The following SLC16A7 variants were observed in gnomAD, a reference collection of about 807,000 sequenced individuals.
The protein encoded by SLC16A7 is monocarboxylate transporter 2.
In SLC16A7, 33 loss-of-function variants were observed where a neutral mutation model predicts 34.9. The observed-to-expected ratio is 0.94, with a 90% confidence interval of 0.72 to 1.26. The LOEUF is 1.26. Ranked by LOEUF, SLC16A7 falls within the 50% of genes most tolerant of loss-of-function variation. SLC16A7 has a pLI of 0.00. For missense variants in SLC16A7, 573 were observed against 578.1 expected, an observed-to-expected ratio of 0.99 and a Z score of 0.09; for synonymous variants, 201 against 206.6, an observed-to-expected ratio of 0.97 and a Z score of 0.23.
At chr12:59,745,378 A>G (rs1878782655) in intron 3 of SLC16A7, among the ~76,000 whole-genome samples, 1 of 152,226 alleles carries the variant, frequency 6.6e-6, no homozygotes, top group African/African-American at 2.4e-5. Context: ...ATGTTGGAGA[A>G]TCAAGCATAG....
rs2137524686 is a variant in SLC16A7 at position 59,789,467 on chromosome 12, C to CTGTA, written c.*9790_*9793dup. On this transcript the variant is annotated 3_prime_UTR_variant, in exon 6 of 6. Transcript: ENST00000547379. ...TATTTTCTTTTCAAAATCAGAAATG[C>CTGTA]TGTATTTAAGCTTCCTGGAAATGTC... The CTGTA allele has an allele frequency of 6.6e-6, 1 of 152,136 alleles. No homozygotes were observed. The highest frequency in any genetic ancestry group is 1.9e-4 in the East Asian group (1 of 5,188). 9.4% of individuals were successfully genotyped at this position (152,136 alleles called of 1,614,324 possible). A position where few individuals can be genotyped will look rare whatever the true frequency, so the allele number is the denominator to read the frequency against.
intron 3 of SLC16A7, among the ~76,000 whole-genome samples, chr12:59,709,189 G>C (rs180950783): frequency 6.6e-6 from 1 of 151,782 alleles, no homozygotes; most frequent in African/African-American, 2.4e-5. Flanking sequence ...GCCAGTTTCT[G>C]TGAGTACTTT....
At position 59,718,772 on chromosome 12, in the gene SLC16A7, A is replaced by ATT. The variant is rs534462235; in HGVS notation, c.217+13755_217+13756insTT. On this transcript the variant is annotated intron_variant, in intron 3 of 5. Transcript: ENST00000547379. Reference sequence around the variant, plus strand: ...ACTAGGGAAAATGGATAAGAAGGAAATAAGTATCACATGATAATGCCTGCT... The same window carrying ATT: ...ACTAGGGAAAATGGATAAGAAGGAAATTTAAGTATCACATGATAATGCCTGCT... Among the ~76,000 whole-genome samples, 12 of 152,290 alleles carry ATT rather than the reference A, an allele frequency of 7.9e-5. No homozygotes were observed. The East Asian group carries it at 2.3e-3, about 29-fold the overall frequency.
At chr12:59,770,825 A>T (rs1882151321) in intron 3 of SLC16A7, among the ~76,000 whole-genome samples, 1 of 152,210 alleles carries the variant, frequency 6.6e-6, no homozygotes, top group Admixed American at 6.6e-5. Flanking sequence ...TTATTCTAGA[A>T]AATAAAATTT....
chr12:59,629,685 G>A (rs1880091132), intron 1 of SLC16A7, among the ~76,000 whole-genome samples: 1 of 151,854 alleles, frequency 6.6e-6, no homozygotes, highest in Non-Finnish European at 1.5e-5. Context: ...TATTGTCATT[G>A]CCACATATGC....
chr12:59,638,540 T>C (rs1880537260), intron 1 of SLC16A7, among the ~76,000 whole-genome samples: 1 of 152,178 alleles, frequency 6.6e-6, no homozygotes, highest in African/African-American at 2.4e-5. Flanking sequence ...TTAAATATTC[T>C]ACAAGTAATT....
At chr12:59,632,344 A>G (rs1018694661) in intron 1 of SLC16A7, among the ~76,000 whole-genome samples, 4 of 151,982 alleles carry the variant, frequency 2.6e-5, no homozygotes, top group African/African-American at 9.7e-5. Context: ...GATTTTCTTT[A>G]GATTTTTAAA....
rs542846453 is a variant in SLC16A7 at position 59,684,974 on chromosome 12, A to G, written c.-30-19798A>G. On this transcript the variant is annotated intron_variant, in intron 2 of 5. Coordinates refer to ENST00000547379, the MANE Select transcript of SLC16A7 (RefSeq NM_001270623.2). ...TAATTTGGTGTGGTACAGGTATGCC[A>G]TCAATCCCCAGAGGACTGTGTGTGC... 2.0e-5 allele frequency among the ~76,000 whole-genome samples: 3 copies of G among 152,176 alleles called. No individual in the cohort carries two copies. In the South Asian group the frequency reaches 6.2e-4, roughly 32 times the overall value.
intron 1 of SLC16A7, among the ~76,000 whole-genome samples, chr12:59,630,421 C>A (rs1278687786): frequency 6.6e-6 from 1 of 151,800 alleles, no homozygotes; most frequent in Non-Finnish European, 1.5e-5. Flanking sequence ...AAATTGACAG[C>A]TTAATAAACC....
At chr12:59,772,436 A>G (rs1882323825) in intron 4 of SLC16A7, among the ~76,000 whole-genome samples, 1 of 152,122 alleles carries the variant, frequency 6.6e-6, no homozygotes, top group Non-Finnish European at 1.5e-5. Flanking sequence ...TAGGGAAAAG[A>G]TGATTTTGTT....
chr12:59,719,868 T>G, intron 3 of SLC16A7: 1 of 480,066 alleles, frequency 2.1e-6, no homozygotes, highest in Non-Finnish European at 3.6e-6. Context: ...TCCCACGGAG[T>G]GGCCCAAAAT....
At chr12:59,630,302 C>T (rs1346136633) in intron 1 of SLC16A7, among the ~76,000 whole-genome samples, 1 of 151,792 alleles carries the variant, frequency 6.6e-6, no homozygotes, top group Non-Finnish European at 1.5e-5. Flanking sequence ...AACAGATTTC[C>T]TGTCTTTCAT....
At chr12:59,613,334 G>A (rs957817770) in intron 1 of SLC16A7, among the ~76,000 whole-genome samples, 1 of 152,152 alleles carries the variant, frequency 6.6e-6, no homozygotes, top group African/African-American at 2.4e-5. Context: ...CACCCACCAG[G>A]TCCCTTCCAT....
intron 2 of SLC16A7, among the ~76,000 whole-genome samples, chr12:59,679,661 A>G (rs1870594331): frequency 6.6e-6 from 1 of 152,196 alleles, no homozygotes; most frequent in South Asian, 2.1e-4. Flanking sequence ...GTCCTTTTAT[A>G]GATCAGAAAC....
chr12:59,607,045 C>A (rs1018323340), intron 1 of SLC16A7, among the ~76,000 whole-genome samples: 1 of 152,128 alleles, frequency 6.6e-6, no homozygotes, highest in African/African-American at 2.4e-5. Context: ...TGGAATATAT[C>A]CACACCTGTT....
At chr12:59,732,879 T>C (rs1049377678) in intron 3 of SLC16A7, among the ~76,000 whole-genome samples, 1 of 152,200 alleles carries the variant, frequency 6.6e-6, no homozygotes, top group African/African-American at 2.4e-5. Flanking sequence ...CTGCTATGAA[T>C]TGACAGACAA....
rs1401264187 is a variant in SLC16A7, at chr12:59,782,883, T to C, written c.*3204T>C. 5 of 152,218 alleles carry C rather than the reference T, an allele frequency of 3.3e-5. No homozygotes were observed. Among genetic ancestry groups the C allele is most frequent in the Non-Finnish European group, 7.3e-5 (5 of 68,038 alleles). 9.4% of individuals were successfully genotyped at this position (152,218 alleles called of 1,614,324 possible). On this transcript the variant is annotated 3_prime_UTR_variant, in exon 6 of 6. Coordinates refer to ENST00000547379, the MANE Select transcript of SLC16A7 (RefSeq NM_001270623.2). ...CAGGACTCATAAACAATCACTTTTT[T>C]GGTGCCAAGTTTCAACCCTTTAGCT...
At chr12:59,619,394 A>G (rs1248295372) in intron 1 of SLC16A7, among the ~76,000 whole-genome samples, 1 of 152,076 alleles carries the variant, frequency 6.6e-6, no homozygotes, top group Non-Finnish European at 1.5e-5. Flanking sequence ...AAAGGTTTGC[A>G]GGCATACAGT....
At position 59,786,108 on chromosome 12, in the gene SLC16A7, C is replaced by T. The variant is rs982441502; in HGVS notation, c.*6429C>T. 1 of 151,242 alleles carries T rather than the reference C, an allele frequency of 6.6e-6. No individual in the cohort carries two copies. Among genetic ancestry groups the T allele is most frequent in the African/African-American group, 2.4e-5 (1 of 41,164 alleles). 9.4% of individuals were successfully genotyped at this position (151,242 alleles called of 1,614,324 possible). A position where few individuals can be genotyped will look rare whatever the true frequency, so the allele number is the denominator to read the frequency against. ...CTAGGTGACGAGTTAGTGGGTGCAG[C>T]GCACCAGCATGGCACATGTATACAT... is the stretch of plus-strand genomic sequence containing the variant. On this transcript the variant is annotated 3_prime_UTR_variant, in exon 6 of 6. Transcript: ENST00000547379.
Sources: gnomAD v4.1 joint callset for allele counts (sites outside exome capture counted in the v4.1 genomes callset) on GRCh38, gnomAD v4.1.1 for gene constraint, MANE v1.5 for transcripts, NCBI Gene and HGNC (gene_info 2026-07-23, HGNC 2026-07-21) for gene names.